Variants in RIMKLB observed in about 807,000 individuals in gnomAD.
RIMKLB encodes ribosomal modification protein rimK like family member B.
In RIMKLB, 7 loss-of-function variants were observed where a neutral mutation model predicts 32.0. The observed-to-expected ratio is 0.22, with a 90% confidence interval of 0.12 to 0.41. The LOEUF is 0.41. Ranked by LOEUF, RIMKLB falls within the 10% of genes least tolerant of loss-of-function variation. The pLI is 1.00. For missense variants in RIMKLB, 289 were observed against 498.7 expected (o/e 0.58, Z 4.00); for synonymous variants, 172 against 185.1 (o/e 0.93, Z 0.57).
intron 1 of RIMKLB, among the ~76,000 whole-genome samples, chr12:8,705,860 T>G (rs758072572): frequency 6.6e-6 from 1 of 152,166 alleles, no homozygotes. Flanking sequence ...TGTCTATAAG[T>G]CCTGAGTCTT....
chr12:8,719,615 C>T (rs901768481), intron 2 of RIMKLB, among the ~76,000 whole-genome samples: 32 of 152,172 alleles, frequency 2.1e-4, no homozygotes, highest in African/African-American at 5.3e-4. Context: ...GTGATCCGCC[C>T]GCCTCGGCCT....
At chr12:8,766,704 C>T (rs757231545) in intron 5 of RIMKLB, among the ~76,000 whole-genome samples, 2 of 152,290 alleles carry the variant, frequency 1.3e-5, no homozygotes, top group South Asian at 4.1e-4. Flanking sequence ...ATCTCCTGTC[C>T]TGAAGGGAGT....
At chr12:8,770,286 A>G (rs935544071) in intron 5 of RIMKLB, among the ~76,000 whole-genome samples, 8 of 152,152 alleles carry the variant, frequency 5.3e-5, no homozygotes, top group Admixed American at 4.6e-4. Flanking sequence ...TTTTGTATAT[A>G]CTAGTGAACA....
intron 1 of RIMKLB, among the ~76,000 whole-genome samples, chr12:8,691,758 T>C (rs1247041668): frequency 6.6e-6 from 1 of 152,182 alleles, no homozygotes; most frequent in African/African-American, 2.4e-5. Flanking sequence ...AAGTCTTTCA[T>C]TGTACAAAAA....
chr12:8,675,218 T>C, the RIMKLB span, among the ~76,000 whole-genome samples: 1 of 152,208 alleles, frequency 6.6e-6, no homozygotes, highest in East Asian at 1.9e-4. Context: ...TGCTGAATAA[T>C]ACAGACACAT....
chr12:8,702,946 C>G (rs991124606), intron 1 of RIMKLB, among the ~76,000 whole-genome samples: 2 of 152,142 alleles, frequency 1.3e-5, no homozygotes, highest in African/African-American at 4.8e-5. Flanking sequence ...GTGCCATGTT[C>G]CAGAAATAAT....
intron 5 of RIMKLB, among the ~76,000 whole-genome samples, chr12:8,755,992 A>G (rs1948990038): frequency 6.6e-6 from 1 of 151,970 alleles, no homozygotes; most frequent in Non-Finnish European, 1.5e-5. Flanking sequence ...CATCTCTACT[A>G]AAAATATAAA....
At chr12:8,723,803 CCTTT>C (rs1945703390) in intron 2 of RIMKLB, among the ~76,000 whole-genome samples, 1 of 105,728 alleles carries the variant, frequency 9.5e-6, no homozygotes, top group Non-Finnish European at 2.1e-5. Context: ...TCTTCAGTTC[CCTTT>C]TTTTTTTTTT....
At chr12:8,713,716 A>C (rs1023562310) in intron 1 of RIMKLB, 95 bp from the exon 2 acceptor site, 1 of 768,194 alleles carries the variant, frequency 1.3e-6, no homozygotes, top group Admixed American at 2.6e-5. Context: ...CTGTTTATAT[A>C]ATTAGTATAT....
At chr12:8,781,728 T>C (rs774672895), downstream of RIMKLB, among the ~76,000 whole-genome samples, 1 of 152,222 alleles carries the variant, frequency 6.6e-6, no homozygotes, top group East Asian at 1.9e-4. Flanking sequence ...ATGTCTGTCT[T>C]TCTCTTCCTC....
intron 5 of RIMKLB, among the ~76,000 whole-genome samples, chr12:8,767,913 G>A (rs1332024270): frequency 2.0e-5 from 3 of 152,208 alleles, no homozygotes; most frequent in Non-Finnish European, 2.9e-5. Context: ...GCAAGCCAAA[G>A]TGGTTCAATA....
chr12:8,730,931 G>A (rs778239230), intron 2 of RIMKLB, among the ~76,000 whole-genome samples: 1 of 151,968 alleles, frequency 6.6e-6, no homozygotes, highest in African/African-American at 2.4e-5. Context: ...GTAGAGATGG[G>A]GTTATGCCAT....
chr12:8,776,561 T>C lies in RIMKLB; in HGVS notation c.*2777T>C, dbSNP rs1393127070. ...TTGTTAAAATTGTAATTCTAAATTG[T>C]ATTTCAAAAATGATTATTTCTGATA... On this transcript the variant is annotated 3_prime_UTR_variant, in exon 6 of 6. Coordinates refer to ENST00000535829, the MANE Select transcript of RIMKLB (RefSeq NM_001297776.2). The C allele has an allele frequency of 1.2e-6, 1 of 815,866 alleles. No homozygotes were observed. Among genetic ancestry groups the C allele is most frequent in the East Asian group, 1.2e-4 (1 of 8,022 alleles). The allele number at this position is 815,866 out of a possible 1,614,324, so 50.5% of individuals were successfully genotyped here.
chr12:8,674,347 T>C, the RIMKLB span, among the ~76,000 whole-genome samples: 6 of 148,438 alleles, frequency 4.0e-5, no homozygotes, highest in East Asian at 1.3e-3. Flanking sequence ...CATGCCATTC[T>C]CCTGGCTCAG....
rs1950728518 is a variant in RIMKLB, at chr12:8,776,401, G to A, written c.*2617G>A. ...TGGAAGTACCTTAAGGAAACAAACA[G>A]CAGCAGATATTTAGGTTAAACTTAT... On this transcript the variant is annotated 3_prime_UTR_variant, in exon 6 of 6. Coordinates refer to ENST00000535829, the MANE Select transcript of RIMKLB (RefSeq NM_001297776.2). The A allele has an allele frequency of 2.1e-6, 2 of 975,600 alleles. No homozygotes were observed. Among genetic ancestry groups the A allele is most frequent in the African/African-American group, 1.8e-5 (1 of 57,024 alleles). 60.4% of individuals were successfully genotyped at this position (975,600 alleles called of 1,614,324 possible).
chr12:8,744,697 G>C (rs1231230053), intron 2 of RIMKLB, among the ~76,000 whole-genome samples: 1 of 151,612 alleles, frequency 6.6e-6, no homozygotes, highest in Non-Finnish European at 1.5e-5. Flanking sequence ...GTCTCGCTCT[G>C]TTGCTTAGGC....
chr12:8,728,789 TTTTG>T (rs147350916), intron 2 of RIMKLB, among the ~76,000 whole-genome samples: 355 of 131,900 alleles, frequency 2.7e-3, no homozygotes, highest in African/African-American at 9.1e-3. Context: ...GTGTGTGTGT[TTTTG>T]TTTGTTTGTT....
intron 2 of RIMKLB, among the ~76,000 whole-genome samples, chr12:8,723,189 T>G (rs772240661): frequency 6.6e-6 from 1 of 152,202 alleles, no homozygotes; most frequent in East Asian, 1.9e-4. Context: ...AGTAAGAGAT[T>G]GTGTGACTCT....
chr12:8,709,202 G>C (rs1944158995), intron 1 of RIMKLB, among the ~76,000 whole-genome samples: 1 of 152,142 alleles, frequency 6.6e-6, no homozygotes, highest in Non-Finnish European at 1.5e-5. Context: ...GGACTCTACT[G>C]TCTTTTAAAA....
Sources: gnomAD v4.1 joint callset for allele counts (sites outside exome capture counted in the v4.1 genomes callset) on GRCh38, gnomAD v4.1.1 for gene constraint, MANE v1.5 for transcripts, NCBI Gene and HGNC (gene_info 2026-07-23, HGNC 2026-07-21) for gene names.